Variants in IMMP1L observed in about 807,000 individuals in gnomAD.
The protein encoded by IMMP1L is inner mitochondrial membrane peptidase subunit 1.
IMMP1L carries 24 observed loss-of-function variants against 21.8 expected under a neutral mutation model. The ratio of observed to expected loss-of-function variants is 1.10; its 90% CI spans 0.80 to 1.55. The LOEUF is 1.55. Among genes scored for constraint, IMMP1L ranks in the 40% most tolerant of loss-of-function variants. The pLI, the probability that IMMP1L is intolerant of heterozygous loss-of-function variation, is 0.00. For missense variants in IMMP1L, 195 were observed against 200.7 expected (o/e 0.97, Z 0.17); for synonymous variants, 46 against 62.8 (o/e 0.73, Z 1.26).
intron 1 of IMMP1L, among the ~76,000 whole-genome samples, chr11:31,470,505 G>T (rs1428382028): frequency 6.6e-6 from 1 of 150,610 alleles, no homozygotes; most frequent in Admixed American, 6.6e-5. Flanking sequence ...TACATATTTG[G>T]ATAAAGATAC....
chr11:31,448,918 G>A, intron 4 of IMMP1L: 1 of 983,828 alleles, frequency 1.0e-6, no homozygotes, highest in Non-Finnish European at 1.2e-6. Flanking sequence ...AATTGTGTTA[G>A]CTATAGAATG....
rs923106150 is a variant in IMMP1L at position 31,496,844 on chromosome 11, A to G, written c.-30+12675T>C. On this transcript the variant is annotated intron_variant, in intron 1 of 5. Transcript: ENST00000532287. ...TACATTATATAATCTATAATTTTATATATCTAAGAGTATATTATATAATCT... is the reference window on the plus strand; with the variant it reads ...TACATTATATAATCTATAATTTTATGTATCTAAGAGTATATTATATAATCT... Among the ~76,000 whole-genome samples, 94 of 148,076 alleles carry G rather than the reference A, an allele frequency of 6.3e-4. 2 individuals carry two copies. The East Asian group carries it at 0.013, about 21-fold the overall frequency.
At chr11:31,494,154 C>A (rs914320069) in intron 1 of IMMP1L, among the ~76,000 whole-genome samples, 3 of 152,242 alleles carry the variant, frequency 2.0e-5, no homozygotes, top group Admixed American at 6.5e-5. Context: ...ATTGCTCTAG[C>A]AGAGGTTCTC....
intron 1 of IMMP1L, among the ~76,000 whole-genome samples, chr11:31,504,987 A>G (rs1255137991): frequency 6.6e-6 from 1 of 152,220 alleles, no homozygotes. Context: ...CTCTGTGTAG[A>G]CATGACCTTA....
chr11:31,461,005 A>G (rs1351153417), intron 2 of IMMP1L, among the ~76,000 whole-genome samples: 1 of 152,210 alleles, frequency 6.6e-6, no homozygotes, highest in Non-Finnish European at 1.5e-5. Flanking sequence ...TCTCAGTTCT[A>G]TGAAGGCAGA....
At chr11:31,476,847 C>G (rs960949077) in intron 1 of IMMP1L, among the ~76,000 whole-genome samples, 1 of 151,950 alleles carries the variant, frequency 6.6e-6, no homozygotes, top group Non-Finnish European at 1.5e-5. Context: ...TAATTAACAC[C>G]TCCAGCCAAA....
At chr11:31,462,220 C>T (rs1954167667) in intron 2 of IMMP1L, among the ~76,000 whole-genome samples, 1 of 150,516 alleles carries the variant, frequency 6.6e-6, no homozygotes, top group South Asian at 2.1e-4. Flanking sequence ...GAGGCTGATG[C>T]ATGAGAATTG....
intron 1 of IMMP1L, among the ~76,000 whole-genome samples, chr11:31,503,413 G>A (rs1024359700): frequency 5.3e-5 from 8 of 151,874 alleles, no homozygotes; most frequent in African/African-American, 1.5e-4. Context: ...AATAGTAATC[G>A]ATTAAACAGA....
chr11:31,506,403 G>C (rs978388105), intron 1 of IMMP1L, among the ~76,000 whole-genome samples: 3 of 151,152 alleles, frequency 2.0e-5, no homozygotes, highest in Non-Finnish European at 4.4e-5. Flanking sequence ...TAATTTTTTT[G>C]TATTTTTTAG....
At chr11:31,437,165 G>A (rs1223080) in intron 4 of IMMP1L, 1 of 450,102 alleles carries the variant, frequency 2.2e-6, no homozygotes, top group Non-Finnish European at 4.5e-6. Flanking sequence ...CTAGAGACCA[G>A]AAGTGTTTCA....
chr11:31,451,243 A>C (rs1564974948), intron 4 of IMMP1L, among the ~76,000 whole-genome samples: 1 of 152,150 alleles, frequency 6.6e-6, no homozygotes, highest in Non-Finnish European at 1.5e-5. Context: ...GAGTGACATA[A>C]TTGCTCTTAA....
intron 1 of IMMP1L, chr11:31,469,683 A>G (rs1009992047): frequency 1.3e-5 from 2 of 152,260 alleles, no homozygotes; most frequent in Non-Finnish European, 2.9e-5. Context: ...ATATTGGTAG[A>G]TAACTTTCCA....
chr11:31,434,484 C>A (rs1421252656), intron 4 of IMMP1L, among the ~76,000 whole-genome samples: 1 of 151,950 alleles, frequency 6.6e-6, no homozygotes, highest in African/African-American at 2.4e-5. Context: ...TTGACCAGAC[C>A]AAAATGATCT....
intron 4 of IMMP1L, among the ~76,000 whole-genome samples, chr11:31,438,529 ACT>A (rs1491274794): frequency 6.6e-6 from 1 of 152,048 alleles, no homozygotes; most frequent in Non-Finnish European, 1.5e-5. Flanking sequence ...TCCAATTCAT[ACT>A]TTTTTTCCTA....
intron 1 of IMMP1L, among the ~76,000 whole-genome samples, chr11:31,491,584 T>C (rs1327755040): frequency 6.6e-6 from 1 of 152,176 alleles, no homozygotes; most frequent in African/African-American, 2.4e-5. Context: ...CTGCTTACAG[T>C]AAAATGTGAG....
At position 31,452,913 on chromosome 11, in the gene IMMP1L, G is replaced by A; in HGVS notation, c.321+3347C>T. 6.5e-6 allele frequency: 4 copies of A among 613,460 alleles called. No homozygotes were observed. In the South Asian group the frequency reaches 8.2e-5, roughly 13 times the overall value. 38.0% of individuals were successfully genotyped at this position (613,460 alleles called of 1,614,324 possible). ...TGACAGGCGCCTGCCACCACGCCTGGCTAATTTTTTGCATTTTTAGCAGAG... is the reference window on the plus strand; with the variant it reads ...TGACAGGCGCCTGCCACCACGCCTGACTAATTTTTTGCATTTTTAGCAGAG... On this transcript the variant is annotated intron_variant, in intron 4 of 5. Coordinates refer to ENST00000532287, the MANE Select transcript of IMMP1L (RefSeq NM_001304274.2).
chr11:31,479,035 G>A (rs990761910), intron 1 of IMMP1L, among the ~76,000 whole-genome samples: 1 of 151,800 alleles, frequency 6.6e-6, no homozygotes, highest in Non-Finnish European at 1.5e-5. Context: ...AGCTATACCA[G>A]CTTATCTAAG....
chr11:31,460,707 C>T lies in IMMP1L; in HGVS notation c.113G>A (p.Gly38Glu), dbSNP rs1373549464. 1 of 1,593,792 alleles carries T rather than the reference C, an allele frequency of 6.3e-7. No individual in the cohort carries two copies. Among genetic ancestry groups the T allele is most frequent in the East Asian group, 2.2e-5 (1 of 44,596 alleles). The change falls in exon 3 of 6, where the codon GGA becomes GAA. Residue 38 changes from glycine to glutamate, a missense_variant. Coordinates refer to ENST00000532287, the MANE Select transcript of IMMP1L (RefSeq NM_001304274.2). ...EYVGGVVMCS[G>E]PSMEPTIQNS... ...TTGAATTGTAGGCTCCATTGATGGT[C>T]CAGAACACTGAAAAGAGAGGTAATT... is the stretch of plus-strand genomic sequence containing the variant.
At chr11:31,505,180 C>T (rs1955738922) in intron 1 of IMMP1L, among the ~76,000 whole-genome samples, 1 of 152,162 alleles carries the variant, frequency 6.6e-6, no homozygotes, top group African/African-American at 2.4e-5. Flanking sequence ...TGGTTGCCTA[C>T]CATGTTCATT....
Sources: allele counts gnomAD v4.1 joint callset (sites outside exome capture counted in the v4.1 genomes callset), GRCh38; gene constraint gnomAD v4.1.1; transcripts MANE v1.5; gene names NCBI Gene and HGNC (gene_info 2026-07-23, HGNC 2026-07-21).